Variants in PTPRG observed in about 807,000 individuals in gnomAD.
The protein encoded by PTPRG is receptor-type tyrosine-protein phosphatase gamma.
Under a neutral mutation model 165.3 loss-of-function variants are expected in PTPRG, and 102 were observed. That is an observed-to-expected ratio of 0.62 (90% CI 0.53 to 0.73). PTPRG has a LOEUF of 0.73. Among genes scored for constraint, PTPRG ranks in the 30% least tolerant of loss-of-function variants. PTPRG has a pLI of 0.00. For synonymous variants in PTPRG, 675 were observed against 669.5 expected, an observed-to-expected ratio of 1.01 and a Z score of -0.13; for missense variants, 1,866 against 1,861.4, an observed-to-expected ratio of 1.00 and a Z score of -0.05.
intron 1 of PTPRG, among the ~76,000 whole-genome samples, chr3:61,707,629 T>G (rs770814155): frequency 6.6e-6 from 1 of 152,204 alleles, no homozygotes; most frequent in Non-Finnish European, 1.5e-5. Context: ...ATGTGCTTTT[T>G]ACTCAGTCTA....
chr3:61,912,734 T>A (rs989257887), intron 2 of PTPRG, among the ~76,000 whole-genome samples: 2 of 152,232 alleles, frequency 1.3e-5, no homozygotes, highest in African/African-American at 4.8e-5. Flanking sequence ...TTATTCTCCA[T>A]GCAGTTAGGA....
At chr3:62,158,565 T>C (rs79489541) in intron 7 of PTPRG, among the ~76,000 whole-genome samples, 1 of 152,258 alleles carries the variant, frequency 6.6e-6, no homozygotes, top group Non-Finnish European at 1.5e-5. Context: ...ATGTCCATCT[T>C]TGAATGAGCC....
chr3:61,836,005 A>G (rs556733487), intron 2 of PTPRG, among the ~76,000 whole-genome samples: 5 of 150,268 alleles, frequency 3.3e-5, no homozygotes, highest in African/African-American at 1.2e-4. Flanking sequence ...GCGCCATTGC[A>G]CTCCAGCCTG....
intron 8 of PTPRG, among the ~76,000 whole-genome samples, chr3:62,186,567 C>CTTTTTT (rs35133425): frequency 6.9e-4 from 81 of 117,518 alleles, no homozygotes; most frequent in African/African-American, 2.5e-3. Flanking sequence ...TTTTCTTTTC[C>CTTTTTT]TTTTTTTTTT....
chr3:62,204,038 T>A (rs1700163628), intron 12 of PTPRG, 88 bp downstream of exon 12: 2 of 1,484,238 alleles, frequency 1.3e-6, no homozygotes, highest in Non-Finnish European at 1.8e-6. Flanking sequence ...AGGTGAAGCT[T>A]CAGAAGGTAC....
intron 2 of PTPRG, among the ~76,000 whole-genome samples, chr3:61,881,052 C>A (rs1183545738): frequency 6.6e-6 from 1 of 150,866 alleles, no homozygotes; most frequent in African/African-American, 2.4e-5. Flanking sequence ...GTGGCCCTGT[C>A]CTTATCATTT....
Position 62,248,405 on chromosome 3 carries a change from G to A in PTPRG, c.2467+4507G>A, listed in dbSNP as rs190735552. ...CTGGTTTCCCATTGTTTCGGTGTGA[G>A]GATAAAGCATAATTGAATGCAGTAA... is the stretch of plus-strand genomic sequence containing the variant. On this transcript the variant is annotated intron_variant, in intron 15 of 29. Coordinates refer to ENST00000474889, the MANE Select transcript of PTPRG (RefSeq NM_002841.4). Among the ~76,000 whole-genome samples, 21 of 152,214 alleles carry A rather than the reference G, an allele frequency of 1.4e-4. 1 individual carries two copies. In the East Asian group the frequency reaches 4.1e-3, roughly 29 times the overall value.
chr3:61,864,163 A>G (rs544667937), intron 2 of PTPRG, among the ~76,000 whole-genome samples: 7 of 152,184 alleles, frequency 4.6e-5, no homozygotes, highest in African/African-American at 1.7e-4. Flanking sequence ...TCCCTTCAAA[A>G]TCCTCTCTTT....
At chr3:61,753,704 A>G in intron 2 of PTPRG, 3 of 412,258 alleles carry the variant, frequency 7.3e-6, no homozygotes. Context: ...AGCAATTCTC[A>G]CGCTTCAGCC....
chr3:62,221,769 A>C (rs1700656755), intron 13 of PTPRG, among the ~76,000 whole-genome samples: 1 of 152,190 alleles, frequency 6.6e-6, no homozygotes, highest in African/African-American at 2.4e-5. Context: ...ACAACCAAGG[A>C]ATGGCCCTTT....
At chr3:61,997,598 G>A (rs1300154973) in intron 3 of PTPRG, among the ~76,000 whole-genome samples, 5 of 152,158 alleles carry the variant, frequency 3.3e-5, no homozygotes, top group Non-Finnish European at 5.9e-5. Context: ...TCTGGGGTTC[G>A]ATGCTCAGGT....
chr3:61,866,719 C>T (rs190026795), intron 2 of PTPRG, among the ~76,000 whole-genome samples: 4 of 151,072 alleles, frequency 2.6e-5, no homozygotes, highest in East Asian at 3.9e-4. Context: ...CTGCCTCCGC[C>T]TCTGGAGTAG....
intron 2 of PTPRG, among the ~76,000 whole-genome samples, chr3:61,815,518 T>C (rs1033471912): frequency 4.6e-5 from 7 of 152,238 alleles, no homozygotes; most frequent in Non-Finnish European, 5.9e-5. Context: ...ATAATGGGGA[T>C]AACCATGTCT....
At chr3:62,157,557 A>G (rs1010503185) in intron 7 of PTPRG, among the ~76,000 whole-genome samples, 3 of 152,168 alleles carry the variant, frequency 2.0e-5, no homozygotes, top group African/African-American at 7.2e-5. Flanking sequence ...CTCTTTATAA[A>G]TGTTGACCCA....
chr3:61,975,704 A>G (rs704342), intron 2 of PTPRG, among the ~76,000 whole-genome samples: 2,687 of 152,150 alleles, frequency 0.018, 39 homozygotes, highest in Middle Eastern at 0.027. Context: ...TGCTGTCAAT[A>G]TAAATATATC....
chr3:62,122,060 G>C (rs2049533761), intron 5 of PTPRG, among the ~76,000 whole-genome samples: 1 of 152,150 alleles, frequency 6.6e-6, no homozygotes, highest in African/African-American at 2.4e-5. Flanking sequence ...TGTTTAGACT[G>C]CCTCTTCCCA....
At chr3:61,842,675 T>C (rs1209681475) in intron 2 of PTPRG, among the ~76,000 whole-genome samples, 1 of 130,428 alleles carries the variant, frequency 7.7e-6, no homozygotes, top group Admixed American at 8.1e-5. Context: ...CAGGGCAATG[T>C]ATGTGTGGCA....
intron 28 of PTPRG, among the ~76,000 whole-genome samples, chr3:62,286,158 G>C (rs1389630843): frequency 6.6e-6 from 1 of 152,140 alleles, no homozygotes; most frequent in Admixed American, 6.6e-5. Context: ...TCTAAAGACT[G>C]CTGAGATATT....
At chr3:62,054,426 G>T (rs1395689774) in intron 4 of PTPRG, among the ~76,000 whole-genome samples, 1 of 152,162 alleles carries the variant, frequency 6.6e-6, no homozygotes, top group East Asian at 1.9e-4. Context: ...AGATCCATTT[G>T]TAAGGATCAA....
Sources: allele counts gnomAD v4.1 joint callset (sites outside exome capture counted in the v4.1 genomes callset), GRCh38; gene constraint gnomAD v4.1.1; transcripts MANE v1.5; gene names NCBI Gene and HGNC (gene_info 2026-07-23, HGNC 2026-07-21).